ZNF567: variants seen among roughly 807,000 people sequenced by gnomAD.
The protein encoded by ZNF567 is zinc finger protein 567.
In ZNF567, 36 loss-of-function variants were observed where a neutral mutation model predicts 53.9. The ratio of observed to expected loss-of-function variants is 0.67; its 90% CI spans 0.51 to 0.88. The LOEUF (loss-of-function observed/expected upper bound fraction) is 0.88. Among genes scored for constraint, ZNF567 ranks in the 40% least tolerant of loss-of-function variants. The pLI is 0.00. For synonymous variants in ZNF567, 224 were observed against 260.4 expected (o/e 0.86, Z 1.35); for missense variants, 619 against 764.7 (o/e 0.81, Z 2.25).
upstream of ZNF567, among the ~76,000 whole-genome samples, chr19:36,683,585 G>A (rs554367055): frequency 6.6e-6 from 1 of 152,240 alleles, no homozygotes; most frequent in Non-Finnish European, 1.5e-5. Context: ...TGTAATCCCA[G>A]CACTTTGGGA....
At chr19:36,701,278 G>T (rs1366187396) in intron 3 of ZNF567, among the ~76,000 whole-genome samples, 2 of 152,074 alleles carry the variant, frequency 1.3e-5, no homozygotes, top group Non-Finnish European at 2.9e-5. Flanking sequence ...TTGCACTGTG[G>T]TCTGAGAGAC....
downstream of ZNF567, chr19:36,727,010 CCT>C (rs2040337937): frequency 6.5e-5 from 8 of 123,916 alleles, no homozygotes; most frequent in Non-Finnish European, 1.2e-4. Context: ...TTCTTTCTTT[CCT>C]TTTTTTTTTT....
At chr19:36,698,997 A>G (rs1421796239) in intron 3 of ZNF567, among the ~76,000 whole-genome samples, 2 of 152,156 alleles carry the variant, frequency 1.3e-5, no homozygotes, top group Admixed American at 1.3e-4. Flanking sequence ...GTCCTTGCCC[A>G]TGCCTATGTC....
At chr19:36,678,698 G>A in the ZNF567 span, among the ~76,000 whole-genome samples, 2 of 151,186 alleles carry the variant, frequency 1.3e-5, no homozygotes, top group Non-Finnish European at 2.9e-5. Flanking sequence ...CAAAAAATTC[G>A]CCAGGCGTAG....
chr19:36,710,253 A>G (rs939945863), intron 3 of ZNF567, among the ~76,000 whole-genome samples: 28 of 144,476 alleles, frequency 1.9e-4, no homozygotes, highest in African/African-American at 7.1e-4. Flanking sequence ...ATTTCTTTGA[A>G]TACATTTAGA....
chr19:36,670,668 A>G, the ZNF567 span, among the ~76,000 whole-genome samples: 1 of 152,224 alleles, frequency 6.6e-6, no homozygotes, highest in African/African-American at 2.4e-5. Context: ...CTTGTTATTT[A>G]AAACCACCAT....
chr19:36,693,161 G>T (rs190971093), intron 2 of ZNF567, among the ~76,000 whole-genome samples: 4 of 151,966 alleles, frequency 2.6e-5, no homozygotes, highest in Non-Finnish European at 4.4e-5. Flanking sequence ...GATGGCATGC[G>T]CCTGTAGTCC....
chr19:36,722,177 G>T (rs749302180), downstream of ZNF567, among the ~76,000 whole-genome samples: 4 of 152,216 alleles, frequency 2.6e-5, no homozygotes, highest in East Asian at 7.7e-4. Flanking sequence ...TCCTTTTGGC[G>T]AGGAGAGTAA....
chr19:36,672,560 A>G, the ZNF567 span, among the ~76,000 whole-genome samples: 1 of 152,138 alleles, frequency 6.6e-6, no homozygotes, highest in Non-Finnish European at 1.5e-5. Flanking sequence ...GCTCAGCAAC[A>G]TGGACTTCTG....
chr19:36,684,906 C>T (rs2038237358), upstream of ZNF567, among the ~76,000 whole-genome samples: 1 of 152,146 alleles, frequency 6.6e-6, no homozygotes, highest in African/African-American at 2.4e-5. Context: ...ACCTAAGAAC[C>T]CTGAAGTTTC....
At chr19:36,668,663 A>C in the ZNF567 span, 4 of 152,174 alleles carry the variant, frequency 2.6e-5, no homozygotes, top group African/African-American at 9.7e-5. Context: ...GACTTAGAGG[A>C]GTGGAAGCTG....
At chr19:36,707,783 T>C (rs1051636828) in intron 3 of ZNF567, among the ~76,000 whole-genome samples, 1 of 152,214 alleles carries the variant, frequency 6.6e-6, no homozygotes, top group Admixed American at 6.5e-5. Context: ...TTCACCATTT[T>C]GTCCAGGCTG....
chr19:36,674,383 G>GAT, the ZNF567 span, among the ~76,000 whole-genome samples: 1 of 152,218 alleles, frequency 6.6e-6, no homozygotes, highest in African/African-American at 2.4e-5. Context: ...AAGTACAGGT[G>GAT]ATAACCCTGG....
upstream of ZNF567, chr19:36,685,391 C>G (rs561097168): frequency 1.3e-5 from 2 of 152,338 alleles, no homozygotes; most frequent in Admixed American, 1.3e-4. Context: ...GGGTGTCAGT[C>G]ATCTGTACTC....
chr19:36,703,788 G>A (rs531087678), intron 3 of ZNF567: 50 of 152,972 alleles, frequency 3.3e-4, no homozygotes, highest in Non-Finnish European at 6.1e-4. Flanking sequence ...TCAGAAAAGC[G>A]CAGTATTTGG....
At chr19:36,680,975 A>C in the ZNF567 span, among the ~76,000 whole-genome samples, 3 of 152,220 alleles carry the variant, frequency 2.0e-5, no homozygotes, top group Admixed American at 2.0e-4. Flanking sequence ...CCCTCTTTCC[A>C]AATTAAGTAA....
chr19:36,719,729 A>G lies in ZNF567; in HGVS notation c.1005A>G (p.Lys335=), dbSNP rs2040227264. 6.2e-7 allele frequency: 1 copy of G among 1,614,136 alleles called. No homozygotes were observed. Among genetic ancestry groups the G allele is most frequent in the Non-Finnish European group, 8.5e-7 (1 of 1,180,012 alleles). The part of the protein sequence containing the change: ...TDHQRTHTGE[K]SYECLQCRNA... ...ATCAGAGAACACACACAGGGGAGAA[A>G]TCGTATGAATGTCTGCAATGTAGGA... The change falls in exon 6 of 6, where the codon AAA becomes AAG. Residue 335 remains lysine (K), a synonymous_variant. Coordinates refer to ENST00000682579, the MANE Select transcript of ZNF567 (RefSeq NM_001322917.1).
downstream of ZNF567, among the ~76,000 whole-genome samples, chr19:36,721,933 C>T (rs929056780): frequency 3.3e-5 from 5 of 151,700 alleles, no homozygotes; most frequent in South Asian, 2.1e-4. Flanking sequence ...TTAGTAGAGA[C>T]GGGGTTTCAC....
chr19:36,683,331 G>A (rs538979694), upstream of ZNF567, among the ~76,000 whole-genome samples: 8 of 151,896 alleles, frequency 5.3e-5, no homozygotes, highest in Admixed American at 2.6e-4. Context: ...CTCAGCCTCC[G>A]AAAGTGCTGG....
Sources: allele counts gnomAD v4.1 joint callset (sites outside exome capture counted in the v4.1 genomes callset), GRCh38; gene constraint gnomAD v4.1.1; transcripts MANE v1.5; gene names NCBI Gene and HGNC (gene_info 2026-07-23, HGNC 2026-07-21).